Variants in CPVL observed in about 807,000 individuals in gnomAD.
CPVL encodes the protein carboxypeptidase vitellogenic like.
CPVL carries 51 observed loss-of-function variants against 63.7 expected under a neutral mutation model. That is an observed-to-expected ratio of 0.80 (90% CI 0.64 to 1.01). The LOEUF is 1.01. Among genes scored for constraint, CPVL ranks in the 50% least tolerant of loss-of-function variants. The probability of loss-of-function intolerance (pLI) is 0.00; values close to 1 mark genes in which losing one functional copy is unlikely to be tolerated. For synonymous variants in CPVL, 195 were observed against 206.0 expected (o/e 0.95, Z 0.46); for missense variants, 530 against 573.1 (o/e 0.92, Z 0.77).
intron 1 of CPVL, among the ~76,000 whole-genome samples, chr7:29,123,683 A>C (rs1379265809): frequency 8.5e-6 from 1 of 117,880 alleles, no homozygotes; most frequent in African/African-American, 3.1e-5. Flanking sequence ...ATAATGGAAG[A>C]AGCTCTTCCA....
At chr7:29,091,038 T>C (rs2128603772) in intron 6 of CPVL, among the ~76,000 whole-genome samples, 1 of 152,308 alleles carries the variant, frequency 6.6e-6, no homozygotes, top group East Asian at 1.9e-4. Context: ...ATGAATAGTG[T>C]AAACTATAAA....
At chr7:29,131,776 G>C (rs1445632290) in intron 1 of CPVL, among the ~76,000 whole-genome samples, 1 of 152,190 alleles carries the variant, frequency 6.6e-6, no homozygotes, top group Non-Finnish European at 1.5e-5. Flanking sequence ...GCCTCCCAAA[G>C]TGCTGGAATT....
At chr7:29,175,285 C>T (rs1797154799) in intron 5 of CPVL, among the ~76,000 whole-genome samples, 1 of 151,972 alleles carries the variant, frequency 6.6e-6, no homozygotes, top group Admixed American at 6.5e-5. Flanking sequence ...AGTGATTCTC[C>T]TGCCTCAGCC....
At chr7:29,061,534 C>G (rs944316122) in intron 11 of CPVL, among the ~76,000 whole-genome samples, 2 of 152,194 alleles carry the variant, frequency 1.3e-5, no homozygotes, top group Non-Finnish European at 1.5e-5. Flanking sequence ...GCAGGATCAC[C>G]TCTAATCAAT....
chr7:29,179,844 T>C (rs1475963356), intron 5 of CPVL, among the ~76,000 whole-genome samples: 1 of 152,220 alleles, frequency 6.6e-6, no homozygotes, highest in East Asian at 1.9e-4. Flanking sequence ...TTAGTGCATG[T>C]GAGGATTTAT....
chr7:29,118,912 C>A (rs910229963), intron 2 of CPVL, among the ~76,000 whole-genome samples: 4 of 152,208 alleles, frequency 2.6e-5, no homozygotes, highest in Non-Finnish European at 4.4e-5. Context: ...AGATCCCTGT[C>A]TCTCACCTTC....
intron 12 of CPVL, among the ~76,000 whole-genome samples, chr7:29,021,085 T>C (rs1236278810): frequency 6.6e-6 from 1 of 151,974 alleles, no homozygotes; most frequent in African/African-American, 2.4e-5. Flanking sequence ...GGCTGAGATA[T>C]GACCTCATGT....
chr7:29,024,644 G>GT (rs1390501875), intron 12 of CPVL, among the ~76,000 whole-genome samples: 1 of 152,202 alleles, frequency 6.6e-6, no homozygotes, highest in African/African-American at 2.4e-5. Flanking sequence ...CAGACTAACA[G>GT]TTTTCTCAGC....
Position 29,175,613 on chromosome 7 carries a change from T to A in CPVL, c.-11+5677A>T, listed in dbSNP as rs75907734. ...AGCCGTATGGAACTGAGTCAATTTT[T>A]CCTCTTATCTTTGTAGATTACCAAT... On this transcript the variant is annotated intron_variant, in intron 5 of 16. Coordinates refer to the CPVL transcript ENST00000409850. Among the ~76,000 whole-genome samples the A allele has an allele frequency of 2.9e-3, 440 of 152,298 alleles. 2 individuals are homozygous for A. The highest frequency in any genetic ancestry group is 0.01 in the African/African-American group (423 of 41,540).
intron 1 of CPVL, among the ~76,000 whole-genome samples, chr7:29,142,772 C>G (rs542960282): frequency 6.6e-6 from 1 of 152,056 alleles, no homozygotes; most frequent in Non-Finnish European, 1.5e-5. Flanking sequence ...GTGATCTGCC[C>G]GCCTCAGCCT....
At position 29,120,845 on chromosome 7, in the gene CPVL, C is replaced by T. The variant is rs368639289; in HGVS notation, c.169+48G>A. On this transcript the variant is annotated intron_variant, in intron 2 of 12. Transcript: ENST00000265394. ...AAAAAAAAAAAAAAAAAAAGAGAAA[C>T]TGTTGAACTCATGCCAGTGGTTTTC... 111 of 1,079,632 alleles carry T rather than the reference C, an allele frequency of 1.0e-4. No individual in the cohort carries two copies. The African/African-American group carries it at 1.2e-3, about 12-fold the overall frequency. The allele number at this position is 1,079,632 out of a possible 1,614,324, so 66.9% of individuals were successfully genotyped here.
At chr7:28,998,457 C>A (rs931453358) in intron 12 of CPVL, among the ~76,000 whole-genome samples, 1 of 152,138 alleles carries the variant, frequency 6.6e-6, no homozygotes, top group Non-Finnish European at 1.5e-5. Context: ...CGTTGTGTGA[C>A]CTTGGGCAAG....
At chr7:29,029,554 G>T (rs1326848888) in intron 12 of CPVL, among the ~76,000 whole-genome samples, 1 of 152,192 alleles carries the variant, frequency 6.6e-6, no homozygotes, top group Non-Finnish European at 1.5e-5. Context: ...GCCAGGCAAA[G>T]AAAGACAAAT....
At chr7:29,150,381 A>T (rs1352387469), upstream of CPVL, among the ~76,000 whole-genome samples, 1 of 152,246 alleles carries the variant, frequency 6.6e-6, no homozygotes, top group Non-Finnish European at 1.5e-5. Context: ...TGTAACAATA[A>T]TAATGGTGAT....
At chr7:29,166,646 G>T (rs1795953929) in intron 5 of CPVL, among the ~76,000 whole-genome samples, 1 of 151,844 alleles carries the variant, frequency 6.6e-6, no homozygotes, top group Non-Finnish European at 1.5e-5. Context: ...AAATATTATG[G>T]CAAAAAAGAT....
At chr7:29,090,782 A>C (rs939076216) in intron 6 of CPVL, among the ~76,000 whole-genome samples, 12 of 152,234 alleles carry the variant, frequency 7.9e-5, no homozygotes, top group African/African-American at 2.4e-4. Context: ...CTTGTTCGTG[A>C]AAAAGTTTTA....
chr7:29,170,452 G>A (rs1390434403), intron 5 of CPVL, among the ~76,000 whole-genome samples: 1 of 152,154 alleles, frequency 6.6e-6, no homozygotes. Flanking sequence ...GCACATGTTA[G>A]ATTTTCCCCC....
chr7:29,112,020 A>C (rs1431807802), intron 3 of CPVL, among the ~76,000 whole-genome samples: 1 of 152,244 alleles, frequency 6.6e-6, no homozygotes, highest in African/African-American at 2.4e-5. Flanking sequence ...CATACAGAAG[A>C]ATGGCATAAT....
chr7:29,008,466 G>A (rs1309330475), intron 12 of CPVL, among the ~76,000 whole-genome samples: 2 of 152,138 alleles, frequency 1.3e-5, no homozygotes, highest in East Asian at 1.9e-4. Flanking sequence ...ACGTTTAAAC[G>A]ACAACAATTT....
Sources: allele counts gnomAD v4.1 joint callset (sites outside exome capture counted in the v4.1 genomes callset), GRCh38; gene constraint gnomAD v4.1.1; transcripts MANE v1.5; gene names NCBI Gene and HGNC (gene_info 2026-07-23, HGNC 2026-07-21).